CRISP2: variants seen among roughly 807,000 people sequenced by gnomAD.
CRISP2 encodes cysteine-rich secretory protein 2.
A neutral mutation model predicts 31.7 loss-of-function variants in CRISP2; 29 were observed. The ratio of observed to expected loss-of-function variants is 0.92; its 90% CI spans 0.68 to 1.25. CRISP2 has a LOEUF of 1.25. Ranked by LOEUF, CRISP2 falls within the 50% of genes most tolerant of loss-of-function variation. CRISP2 has a pLI of 0.00. For synonymous variants in CRISP2, 111 were observed against 101.4 expected, an observed-to-expected ratio of 1.09 and a Z score of -0.57; for missense variants, 318 against 286.5, an observed-to-expected ratio of 1.11 and a Z score of -0.79.
Position 49,693,692 on chromosome 6 carries a change from T to C in CRISP2, c.605-792A>G, listed in dbSNP as rs976312210. ...TCATATAGCCTGTCTTCAAGCTCAC[T>C]GATTCTTCTGTTTAATGAATTCTGC... On this transcript the variant is annotated intron_variant, in intron 9 of 9. Transcript: ENST00000339139. Among the ~76,000 whole-genome samples the C allele has an allele frequency of 3.9e-4, 60 of 152,240 alleles. 1 individual carries two copies. Among genetic ancestry groups the C allele is most frequent in the Non-Finnish European group, 5.9e-5 (4 of 68,026 alleles).
At chr6:49,679,747 C>T in the CRISP2 span, among the ~76,000 whole-genome samples, 1 of 151,962 alleles carries the variant, frequency 6.6e-6, no homozygotes, top group African/African-American at 2.4e-5. Context: ...ACTCTATCAC[C>T]TAGACTGGAA....
At chr6:49,699,985 G>T in intron 5 of CRISP2, 94 bp from the exon 6 acceptor site, 1 of 1,110,628 alleles carries the variant, frequency 9.0e-7, no homozygotes, top group Non-Finnish European at 1.3e-6. Flanking sequence ...TAAAATTTCT[G>T]TAGATGTATT....
the CRISP2 span, among the ~76,000 whole-genome samples, chr6:49,681,630 A>G: frequency 6.6e-6 from 1 of 152,206 alleles, no homozygotes; most frequent in African/African-American, 2.4e-5. Context: ...TAAAAATTAT[A>G]TTTTACTGTT....
chr6:49,680,504 T>C, the CRISP2 span, among the ~76,000 whole-genome samples: 13 of 152,322 alleles, frequency 8.5e-5, no homozygotes, highest in Middle Eastern at 6.8e-3. Context: ...TCATATTCCT[T>C]TGGGTATATA....
Position 49,695,871 on chromosome 6 carries a change from G to A in CRISP2, c.569C>T (p.Ala190Val). The change falls in exon 9 of 10, where the codon GCC (alanine) becomes GTC (valine). Residue 190 changes from alanine (A) to valine (V), a missense_variant. Transcript: ENST00000339139. ...TTTGTCACAGTCATCAGGGCAACCG[G>A]CACAAGGTGTTCCTTGTTGGTACGG... ...NTPYQQGTPC[A>V]GCPDDCDKGL... 6.2e-7 allele frequency: 1 copy of A among 1,613,046 alleles called. No individual in the cohort carries two copies. The highest frequency in any genetic ancestry group is 8.5e-7 in the Non-Finnish European group (1 of 1,179,446).
chr6:49,708,944 A>G (rs1227859155), intron 4 of CRISP2, among the ~76,000 whole-genome samples, 187 bp downstream of exon 4: 1 of 152,158 alleles, frequency 6.6e-6, no homozygotes, highest in African/African-American at 2.4e-5. Flanking sequence ...GCTAGCATAC[A>G]CATGCAGAAC....
At chr6:49,702,802 T>G (rs1176732031) in intron 4 of CRISP2, among the ~76,000 whole-genome samples, 1 of 152,162 alleles carries the variant, frequency 6.6e-6, no homozygotes, top group Non-Finnish European at 1.5e-5. Flanking sequence ...CTTTTTAGTT[T>G]AATGAAGTCC....
At chr6:49,696,035 A>G (rs899837863) in intron 8 of CRISP2, 111 bp from the exon 9 acceptor site, 2 of 589,748 alleles carry the variant, frequency 3.4e-6, no homozygotes, top group Non-Finnish European at 5.7e-6. Context: ...TAGTATGTTA[A>G]CAAAACTGAA....
downstream of CRISP2, among the ~76,000 whole-genome samples, chr6:49,689,988 A>G (rs535990436): frequency 1.5e-3 from 236 of 152,278 alleles, no homozygotes; most frequent in African/African-American, 5.3e-3. Context: ...TAAAATTTCT[A>G]TATCTGCTTT....
chr6:49,684,657 T>C, the CRISP2 span, among the ~76,000 whole-genome samples: 1 of 152,340 alleles, frequency 6.6e-6, no homozygotes, highest in African/African-American at 2.4e-5. Flanking sequence ...TCTACTTAAT[T>C]TGAAATAAAT....
At chr6:49,697,744 G>T (rs73437860) in intron 8 of CRISP2, 116 bp downstream of exon 8, 2 of 1,571,436 alleles carry the variant, frequency 1.3e-6, no homozygotes, top group South Asian at 2.3e-5. Flanking sequence ...ATTTCCAAAC[G>T]TTTATCCCCT....
At chr6:49,686,961 C>G in the CRISP2 span, among the ~76,000 whole-genome samples, 1 of 151,902 alleles carries the variant, frequency 6.6e-6, no homozygotes, top group Non-Finnish European at 1.5e-5. Context: ...GGACAAAAAA[C>G]CAAACACCGT....
chr6:49,691,290 A>G (rs1388923811), downstream of CRISP2, among the ~76,000 whole-genome samples: 1 of 152,034 alleles, frequency 6.6e-6, no homozygotes, highest in Non-Finnish European at 1.5e-5. Flanking sequence ...CTCTCCTAAA[A>G]TAGGCTTAAA....
downstream of CRISP2, among the ~76,000 whole-genome samples, chr6:49,691,172 G>A (rs182462188): frequency 5.9e-5 from 9 of 151,974 alleles, no homozygotes; most frequent in East Asian, 9.6e-4. Context: ...CCCCAATAAC[G>A]GAGTGCTTCA....
chr6:49,690,442 G>A (rs147742092), downstream of CRISP2, among the ~76,000 whole-genome samples: 29 of 152,062 alleles, frequency 1.9e-4, no homozygotes, highest in East Asian at 5.6e-3. Context: ...GAAAAACTAA[G>A]ATAAACAAAA....
intron 6 of CRISP2, among the ~76,000 whole-genome samples, chr6:49,699,570 T>C (rs893470554): frequency 6.6e-6 from 1 of 152,138 alleles, no homozygotes; most frequent in African/African-American, 2.4e-5. Flanking sequence ...TAAAATCTGC[T>C]GTACTCATGA....
At chr6:49,679,581 T>C in the CRISP2 span, among the ~76,000 whole-genome samples, 1 of 152,148 alleles carries the variant, frequency 6.6e-6, no homozygotes, top group Non-Finnish European at 1.5e-5. Context: ...GTCTGTCAAA[T>C]TTGGTGTCTG....
At chr6:49,688,707 C>T (rs1763961412), downstream of CRISP2, among the ~76,000 whole-genome samples, 1 of 152,094 alleles carries the variant, frequency 6.6e-6, no homozygotes, top group Admixed American at 6.5e-5. Context: ...TACCTTATTT[C>T]CACAAAAATG....
In CRISP2 at chr6:49,698,364, GA is replaced by G; in HGVS notation, c.414del (p.Gln139SerfsTer10). ...GTATTTTCATGCATTCTTCTTACCT[GA>G]GTATAATGTCCAACAACTGCATTGG... ...KSPNAVVGHY[T>X]QLVWYSTYQV... On this transcript the variant is annotated frameshift_variant, in exon 7 of 10. Transcript: ENST00000339139. LOFTEE classifies it high-confidence loss of function. The G allele has an allele frequency of 6.2e-7, 1 of 1,612,794 alleles. No homozygotes were observed. The highest frequency in any genetic ancestry group is 1.1e-5 in the South Asian group (1 of 90,828).
Sources: gnomAD v4.1 joint callset for allele counts (sites outside exome capture counted in the v4.1 genomes callset) on GRCh38, gnomAD v4.1.1 for gene constraint, MANE v1.5 for transcripts, NCBI Gene and HGNC (gene_info 2026-07-23, HGNC 2026-07-21) for gene names.